The following CREG2 variants were observed in gnomAD, a reference collection of about 807,000 sequenced individuals.
CREG2 encodes the protein protein CREG2.
In CREG2, 24 loss-of-function variants were observed where a neutral mutation model predicts 26.2. The observed-to-expected ratio is 0.92, with a 90% CI of 0.66 to 1.29. CREG2 has a LOEUF of 1.29. CREG2 is among the 50% of genes most tolerant of loss of function. The pLI is 0.00. For synonymous variants in CREG2, 174 were observed against 169.2 expected, an observed-to-expected ratio of 1.03 and a Z score of -0.22; for missense variants, 366 against 398.6, an observed-to-expected ratio of 0.92 and a Z score of 0.70.
intron 2 of CREG2, among the ~76,000 whole-genome samples, chr2:101,372,996 T>G (rs1459119917): frequency 1.3e-5 from 2 of 152,136 alleles, no homozygotes; most frequent in African/African-American, 4.8e-5. Context: ...ATAACAAGTG[T>G]TGGTGAGGAC....
At position 101,350,884 on chromosome 2, in the gene CREG2, C is replaced by T. The variant is rs6543032; in HGVS notation, c.*39G>A. 1,211,812 of 1,607,226 alleles carry T rather than the reference C, an allele frequency of 0.75. 462,119 individuals carry two copies. Among genetic ancestry groups the T allele is most frequent in the Non-Finnish European group, 0.77 (908,168 of 1,175,618 alleles). On this transcript the variant is annotated 3_prime_UTR_variant, in exon 4 of 4. Coordinates refer to ENST00000324768, the MANE Select transcript of CREG2 (RefSeq NM_153836.4). The stretch of plus-strand genomic sequence containing the variant: ...CTGGCTGCATCACTGAAAAGGTTTT[C>T]ATTTAAGTGCAAACACCAAGGACTT...
Position 101,347,470 on chromosome 2 carries a change from G to A in CREG2, c.*3453C>T, listed in dbSNP as rs1684323956. The stretch of plus-strand genomic sequence containing the variant: ...ACTGACCCGGTTTATCTGCATCCTT[G>A]TCAGCGTTTGGTGTTATCATTATTT... On this transcript the variant is annotated 3_prime_UTR_variant, in exon 4 of 4. Transcript: ENST00000324768. The A allele has an allele frequency of 6.6e-6, 1 of 152,104 alleles. No individual in the cohort carries two copies. The highest frequency in any genetic ancestry group is 2.1e-4 in the South Asian group (1 of 4,826). The allele number at this position is 152,104 out of a possible 1,614,324, so 9.4% of individuals were successfully genotyped here.
intron 2 of CREG2, among the ~76,000 whole-genome samples, chr2:101,368,093 C>T (rs1271054607): frequency 6.6e-6 from 1 of 152,098 alleles, no homozygotes; most frequent in African/African-American, 2.4e-5. Context: ...TCGAGACCAG[C>T]CTGGCCAACA....
chr2:101,352,517 G>A (rs891435600), intron 3 of CREG2, among the ~76,000 whole-genome samples: 1 of 152,172 alleles, frequency 6.6e-6, no homozygotes, highest in African/African-American at 2.4e-5. Flanking sequence ...TTATAAAAAG[G>A]TAGTGCCTGG....
chr2:101,381,686 G>A (rs1398456883), intron 2 of CREG2, among the ~76,000 whole-genome samples: 4 of 152,190 alleles, frequency 2.6e-5, no homozygotes, highest in East Asian at 1.9e-4. Flanking sequence ...CCATGAGTGC[G>A]TCTCATCCTT....
rs1302352394 is a variant in CREG2 at position 101,346,356 on chromosome 2, A to G, written c.*4567T>C. On this transcript the variant is annotated 3_prime_UTR_variant, in exon 4 of 4. Coordinates refer to ENST00000324768, the MANE Select transcript of CREG2 (RefSeq NM_153836.4). ...TATTTAGGGGAAGATTACTGGAAAT[A>G]TAGTTCTTCTCTATAAAATCAGTGG... is the stretch of plus-strand genomic sequence containing the variant. The G allele has an allele frequency of 6.6e-6, 1 of 152,214 alleles. No individual in the cohort carries two copies. The highest frequency in any genetic ancestry group is 1.5e-5 in the Non-Finnish European group (1 of 68,034). The allele number at this position is 152,214 out of a possible 1,614,324, so 9.4% of individuals were successfully genotyped here. A position where few individuals can be genotyped will look rare whatever the true frequency, so the allele number is the denominator to read the frequency against.
intron 1 of CREG2, among the ~76,000 whole-genome samples, chr2:101,384,608 T>C (rs1684935326): frequency 1.3e-5 from 2 of 152,182 alleles, no homozygotes; most frequent in Non-Finnish European, 2.9e-5. Context: ...CAACTGGGCA[T>C]GGGGACTCAC....
chr2:101,362,989 G>A (rs997838234), intron 2 of CREG2, among the ~76,000 whole-genome samples: 1 of 152,168 alleles, frequency 6.6e-6, no homozygotes, highest in Non-Finnish European at 1.5e-5. Flanking sequence ...CTCACTCATC[G>A]AGGCTGGCCT....
intron 2 of CREG2, chr2:101,382,837 C>T: frequency 2.0e-6 from 2 of 985,470 alleles, no homozygotes; most frequent in Non-Finnish European, 2.4e-6. Context: ...GGGCTCACCC[C>T]AGGCCATCCT....
chr2:101,380,369 C>T (rs1170963697), intron 2 of CREG2, among the ~76,000 whole-genome samples: 1 of 152,228 alleles, frequency 6.6e-6, no homozygotes, highest in African/African-American at 2.4e-5. Flanking sequence ...CCGGGGCTAA[C>T]TTGATGAACG....
chr2:101,350,014 G>A lies in CREG2; in HGVS notation c.*909C>T, dbSNP rs1292609110. On this transcript the variant is annotated 3_prime_UTR_variant, in exon 4 of 4. Coordinates refer to ENST00000324768, the MANE Select transcript of CREG2 (RefSeq NM_153836.4). Reference sequence around the variant, plus strand: ...TTGGTTGCAGGGCTTAAATGAGATGGCTTCTGTTGAGGGCCTGGCCCAGGG... The same window carrying A: ...TTGGTTGCAGGGCTTAAATGAGATGACTTCTGTTGAGGGCCTGGCCCAGGG... 6.6e-6 allele frequency: 1 copy of A among 152,212 alleles called. No homozygotes were observed. The highest frequency in any genetic ancestry group is 1.5e-5 in the Non-Finnish European group (1 of 68,058). 9.4% of individuals were successfully genotyped at this position (152,212 alleles called of 1,614,324 possible).
At chr2:101,355,860 A>G (rs1573302185) in intron 2 of CREG2, among the ~76,000 whole-genome samples, 1 of 152,220 alleles carries the variant, frequency 6.6e-6, no homozygotes, top group Admixed American at 6.5e-5. Flanking sequence ...GAGGGCATGT[A>G]TTACAAACAA....
chr2:101,356,274 G>A lies in CREG2; in HGVS notation c.612-908C>T, dbSNP rs566202058. On this transcript the variant is annotated intron_variant, in intron 2 of 3. Coordinates refer to ENST00000324768, the MANE Select transcript of CREG2 (RefSeq NM_153836.4). The stretch of plus-strand genomic sequence containing the variant: ...ATATGGGCCCAGGATGTGGGGGCAG[G>A]GCAGGCCAAAAATCAACATTCTGGC... 2.0e-5 allele frequency among the ~76,000 whole-genome samples: 3 copies of A among 152,228 alleles called. No homozygotes were observed. In the South Asian group the frequency reaches 6.2e-4, roughly 32 times the overall value.
chr2:101,382,535 A>T, intron 2 of CREG2: 1 of 985,332 alleles, frequency 1.0e-6, no homozygotes, highest in Non-Finnish European at 1.2e-6. Flanking sequence ...TCCATGAGAA[A>T]GGAAATGTTT....
intron 2 of CREG2, among the ~76,000 whole-genome samples, chr2:101,375,212 G>T (rs1684771660): frequency 6.6e-6 from 1 of 152,150 alleles, no homozygotes; most frequent in South Asian, 2.1e-4. Flanking sequence ...TTGTTCCGAG[G>T]GATCCTCATT....
intron 2 of CREG2, among the ~76,000 whole-genome samples, chr2:101,363,851 AACACACACACACAC>A (rs5832961): frequency 6.8e-6 from 1 of 145,986 alleles, no homozygotes; most frequent in African/African-American, 2.6e-5. Context: ...CCCTGTCTCA[AACACACACACACAC>A]ACACACACAC....
intron 3 of CREG2, among the ~76,000 whole-genome samples, chr2:101,354,752 C>T (rs1684430558): frequency 6.6e-6 from 1 of 152,132 alleles, no homozygotes; most frequent in Non-Finnish European, 1.5e-5. Flanking sequence ...ATATCAATTT[C>T]CTGGAGCATG....
chr2:101,372,796 A>C (rs1684730782), intron 2 of CREG2, among the ~76,000 whole-genome samples: 1 of 152,242 alleles, frequency 6.6e-6, no homozygotes, highest in Non-Finnish European at 1.5e-5. Context: ...ACTCAACAAT[A>C]AAAAGATTAC....
At chr2:101,357,726 C>A (rs1265841140) in intron 2 of CREG2, among the ~76,000 whole-genome samples, 1 of 151,776 alleles carries the variant, frequency 6.6e-6, no homozygotes, top group African/African-American at 2.4e-5. Context: ...ATTATTAACC[C>A]CTGTTTAGAA....
Sources: gnomAD v4.1 joint callset for allele counts (sites outside exome capture counted in the v4.1 genomes callset) on GRCh38, gnomAD v4.1.1 for gene constraint, MANE v1.5 for transcripts, NCBI Gene and HGNC (gene_info 2026-07-23, HGNC 2026-07-21) for gene names.